ZNF441: variants seen among roughly 807,000 people sequenced by gnomAD.
ZNF441 encodes zinc finger protein 441.
In ZNF441, 25 loss-of-function variants were observed where a neutral mutation model predicts 64.5. The ratio of observed to expected loss-of-function variants is 0.39; its 90% CI spans 0.28 to 0.54. The LOEUF (loss-of-function observed/expected upper bound fraction) is 0.54. Ranked by LOEUF, ZNF441 falls within the 20% of genes least tolerant of loss-of-function variation. The probability of loss-of-function intolerance (pLI) is 0.70; values close to 1 mark genes in which losing one functional copy is unlikely to be tolerated. For synonymous variants in ZNF441, 262 were observed against 268.0 expected (o/e 0.98, Z 0.22); for missense variants, 715 against 843.3 (o/e 0.85, Z 1.88).
At chr19:11,768,360 G>A (rs1017643169) in intron 1 of ZNF441, among the ~76,000 whole-genome samples, 1 of 152,166 alleles carries the variant, frequency 6.6e-6, no homozygotes, top group Admixed American at 6.5e-5. Context: ...ATGAGAGGAA[G>A]CAGAGAAAAA....
At chr19:11,779,814 G>A (rs1384972953) in intron 3 of ZNF441, among the ~76,000 whole-genome samples, 1 of 151,640 alleles carries the variant, frequency 6.6e-6, no homozygotes, top group Non-Finnish European at 1.5e-5. Flanking sequence ...GAGAGGCTGG[G>A]GTGGGAGGAT....
At position 11,780,485 on chromosome 19, in the gene ZNF441, G is replaced by A. The variant is rs765662522; in HGVS notation, c.661G>A (p.Glu221Lys). The change falls in exon 4 of 4, where the codon GAG becomes AAG. Residue 221 changes from glutamate to lysine, a missense_variant. This residue lies in a region of ZNF441 where 399 missense variants were observed against 413.9 expected (regional missense o/e 0.96). Transcript: ENST00000357901. ...FHMLRRTHTE[E>K]KPYEYEQCST... ...TATGCTTAGAAGAACTCACACTGAA[G>A]AGAAACCATATGAATATGAGCAGTG... The A allele has an allele frequency of 2.5e-6, 4 of 1,614,152 alleles. No homozygotes were observed. The highest frequency in any genetic ancestry group is 1.7e-6 in the Non-Finnish European group (2 of 1,180,034).
Position 11,781,396 on chromosome 19 carries a change from T to G in ZNF441, c.1572T>G (p.Ile524Met). ...SPSSFRRHERIHTGERPYKCK... is the reference protein window; with the variant it reads ...SPSSFRRHERMHTGERPYKCK... The stretch of plus-strand genomic sequence containing the variant: ...GTTCATTTCGAAGACATGAAAGAAT[T>G]CACACTGGGGAGAGACCCTATAAGT... Residue 524 changes from isoleucine (I) to methionine (M), a missense_variant, in exon 4 of 4, where the codon ATT (isoleucine) becomes ATG (methionine). Ile to Met is a conservative substitution (Grantham distance 10). Transcript: ENST00000357901. 1 of 1,613,994 alleles carries G rather than the reference T, an allele frequency of 6.2e-7. No individual in the cohort carries two copies. Among genetic ancestry groups the G allele is most frequent in the African/African-American group, 1.3e-5 (1 of 74,976 alleles).
At chr19:11,768,295 A>G (rs1234807371) in intron 1 of ZNF441, among the ~76,000 whole-genome samples, 1 of 152,208 alleles carries the variant, frequency 6.6e-6, no homozygotes, top group African/African-American at 2.4e-5. Context: ...CATTTTGTTT[A>G]TACATAGCAA....
chr19:11,783,174 C>A lies in ZNF441; in HGVS notation c.*1268C>A, dbSNP rs1812499159. ...TCTCAAAAGAAGACATGCAAATGGC[C>A]AAAAAGTATATGGAAATATGTTCAA... On this transcript the variant is annotated 3_prime_UTR_variant, in exon 4 of 4. Coordinates refer to ENST00000357901, the MANE Select transcript of ZNF441 (RefSeq NM_152355.3). The A allele has an allele frequency of 6.6e-6, 1 of 151,868 alleles. No individual in the cohort carries two copies. Among genetic ancestry groups the A allele is most frequent in the Admixed American group, 6.6e-5 (1 of 15,246 alleles). 9.4% of individuals were successfully genotyped at this position (151,868 alleles called of 1,614,324 possible).
In ZNF441 at chr19:11,781,471, T is replaced by C. The variant is rs1445556680; in HGVS notation, c.1647T>C (p.His549=). 1.1e-5 allele frequency: 17 copies of C among 1,614,090 alleles called. No homozygotes were observed. Among genetic ancestry groups the C allele is most frequent in the Non-Finnish European group, 1.4e-5 (17 of 1,180,010 alleles). The change falls in exon 4 of 4, where the codon CAT becomes CAC. Residue 549 remains histidine, a synonymous_variant. Transcript: ENST00000357901. ...GFRSSSYIQL[H]ERTHTGEKPY... is the part of the protein sequence containing the mutation. ...GGTCTTCCAGTTACATTCAACTACA[T>C]GAAAGGACTCACACTGGAGAGAAAC...
chr19:11,781,783 T>A lies in ZNF441; in HGVS notation c.1959T>A (p.His653Gln). The stretch of plus-strand genomic sequence containing the variant: ...GTAAGGAATGTGGGAAACCATTCCA[T>A]TGTCCCAGTGCCTTTCATAAACATG... ...YKCKECGKPF[H>Q]CPSAFHKHER... Residue 653 changes from histidine to glutamine, a missense_variant, in exon 4 of 4, where the codon CAT (histidine) becomes CAA (glutamine). Around this residue, in one of 2 missense-constraint regions of ZNF441, gnomAD observed 316 missense variants for 429.3 expected, o/e 0.74. Transcript: ENST00000357901. The A allele has an allele frequency of 6.2e-7, 1 of 1,614,100 alleles. No individual in the cohort carries two copies. The highest frequency in any genetic ancestry group is 8.5e-7 in the Non-Finnish European group (1 of 1,179,974).
rs1599271400 is a variant in ZNF441, at chr19:11,780,064, A to G, written c.240A>G (p.Gln80=). The part of the protein sequence containing the change: ...ERACEIKDNS[Q]CGGPFTQTQD... ...CCTGTGAAATTAAAGATAATAGTCA[A>G]TGTGGAGGACCCTTTACCCAGACTC... is the stretch of plus-strand genomic sequence containing the variant. Residue 80 remains glutamine (Q), a synonymous_variant, in exon 4 of 4, where the codon CAA becomes CAG. Coordinates refer to ENST00000357901, the MANE Select transcript of ZNF441 (RefSeq NM_152355.3). 6.2e-7 allele frequency: 1 copy of G among 1,613,976 alleles called. No homozygotes were observed. The highest frequency in any genetic ancestry group is 8.5e-7 in the Non-Finnish European group (1 of 1,179,842).
At chr19:11,775,467 C>T (rs1461337610) in intron 1 of ZNF441, among the ~76,000 whole-genome samples, 1 of 151,718 alleles carries the variant, frequency 6.6e-6, no homozygotes, top group Non-Finnish European at 1.5e-5. Context: ...GTACCTGGGA[C>T]TACAGGTGCC....
rs547559239 is a variant in ZNF441, at chr19:11,780,164, G to C, written c.340G>C (p.Gly114Arg). 1.7e-5 allele frequency: 27 copies of C among 1,614,112 alleles called. No homozygotes were observed. In the African/African-American group the frequency reaches 2.4e-4, roughly 14 times the overall value. ...ESSECTDVLM[G>R]RSSLNCYVRV... ...CAGTGAGTGTACAGACGTCCTCATG[G>C]GTCGTTCATCTCTTAATTGCTACGT... The change falls in exon 4 of 4, where the codon GGT (glycine) becomes CGT (arginine). Residue 114 changes from glycine (G) to arginine (R), a missense_variant. This residue lies in a region of ZNF441 where 399 missense variants were observed against 413.9 expected (regional missense o/e 0.96). Coordinates refer to ENST00000357901, the MANE Select transcript of ZNF441 (RefSeq NM_152355.3).
At position 11,775,161 on chromosome 19, in the gene ZNF441, G is replaced by C. The variant is rs111873911; in HGVS notation, c.4-2450G>C. Among the ~76,000 whole-genome samples, 887 of 152,342 alleles carry C rather than the reference G, an allele frequency of 5.8e-3. 10 individuals carry two copies. Among genetic ancestry groups the C allele is most frequent in the African/African-American group, 0.02 (830 of 41,574 alleles). ...GTAGTATTTGGTGAACACTTAGCCA[G>C]ACTGCTTAAAACTCTGCTTTAGCCT... On this transcript the variant is annotated intron_variant, in intron 1 of 3. Coordinates refer to ENST00000357901, the MANE Select transcript of ZNF441 (RefSeq NM_152355.3).
rs1975387582 is a variant in ZNF441 at position 11,780,157 on chromosome 19, C to T, written c.333C>T (p.Val111=). ...GGGAAAGCAGTGAGTGTACAGACGT[C>T]CTCATGGGTCGTTCATCTCTTAATT... The part of the protein sequence containing the change: ...DPWESSECTD[V]LMGRSSLNCY... Residue 111 remains valine, a synonymous_variant, in exon 4 of 4, where the codon GTC becomes GTT. Coordinates refer to ENST00000357901, the MANE Select transcript of ZNF441 (RefSeq NM_152355.3). The T allele has an allele frequency of 6.2e-7, 1 of 1,614,164 alleles. No individual in the cohort carries two copies. Among genetic ancestry groups the T allele is most frequent in the African/African-American group, 1.3e-5 (1 of 75,034 alleles).
chr19:11,769,829 C>A lies in ZNF441; in HGVS notation c.3+2633C>A, dbSNP rs142955921. On this transcript the variant is annotated intron_variant, in intron 1 of 3. Transcript: ENST00000357901. ...TAGCTGGGACTACAGGCACATGCCA[C>A]CACCCCAGCTAATTTTTTGTATTTT... Among the ~76,000 whole-genome samples the A allele has an allele frequency of 2.1e-3, 323 of 152,174 alleles. 1 individual carries two copies. Among genetic ancestry groups the A allele is most frequent in the African/African-American group, 7.3e-3 (302 of 41,516 alleles).
chr19:11,772,125 G>A (rs547785399), intron 1 of ZNF441, among the ~76,000 whole-genome samples: 1 of 152,316 alleles, frequency 6.6e-6, no homozygotes, highest in South Asian at 2.1e-4. Flanking sequence ...GCCAGGCAGG[G>A]AAGGGCCCCC....
chr19:11,776,390 T>C (rs1383484054), intron 1 of ZNF441, among the ~76,000 whole-genome samples: 1 of 152,226 alleles, frequency 6.6e-6, no homozygotes, highest in Non-Finnish European at 1.5e-5. Flanking sequence ...ATATTCACCA[T>C]ACTTTATCTG....
In ZNF441 at chr19:11,780,275, A is replaced by C; in HGVS notation, c.451A>C (p.Ser151Arg). 1 of 1,614,232 alleles carries C rather than the reference A, an allele frequency of 6.2e-7. No individual in the cohort carries two copies. The highest frequency in any genetic ancestry group is 2.2e-5 in the East Asian group (1 of 44,892). The change falls in exon 4 of 4, where the codon AGT becomes CGT. Residue 151 changes from serine (S) to arginine (R), a missense_variant. This residue lies in a region of ZNF441 where 399 missense variants were observed against 413.9 expected (regional missense o/e 0.96). Coordinates refer to ENST00000357901, the MANE Select transcript of ZNF441 (RefSeq NM_152355.3). ...ACATACACAATGTGGGACAGCTTTC[A>C]GTTATCAGCCCTGCTTTCAAATACA... ...YTHTQCGTAFSYQPCFQIHER... is the reference protein window; with the variant it reads ...YTHTQCGTAFRYQPCFQIHER...
rs780376513 is a variant in ZNF441 at position 11,777,691 on chromosome 19, C to G, written c.84C>G (p.Leu28=). ...WALLGPSQKS[L]YRDVMQETIR... ...TGCTGGGTCCATCACAGAAGAGTCT[C>G]TACAGAGATGTGATGCAGGAAACCA... The change falls in exon 2 of 4, where the codon CTC becomes CTG. Residue 28 remains leucine, a synonymous_variant. Coordinates refer to ENST00000357901, the MANE Select transcript of ZNF441 (RefSeq NM_152355.3). The G allele has an allele frequency of 6.2e-7, 1 of 1,613,676 alleles. No individual in the cohort carries two copies. Among genetic ancestry groups the G allele is most frequent in the Non-Finnish European group, 8.5e-7 (1 of 1,179,794 alleles).
rs1321060511 is a variant in ZNF441 at position 11,780,026 on chromosome 19, A to G, written c.202A>G (p.Met68Val). 1 of 1,606,280 alleles carries G rather than the reference A, an allele frequency of 6.2e-7. No individual in the cohort carries two copies. The highest frequency in any genetic ancestry group is 8.5e-7 in the Non-Finnish European group (1 of 1,174,502). Residue 68 changes from methionine to valine, a missense_variant, in exon 4 of 4, where the codon ATG (methionine) becomes GTG (valine). Physicochemically the swap from Met to Val is conservative, Grantham distance 21. Around this residue, in one of 2 missense-constraint regions of ZNF441, gnomAD observed 399 missense variants for 413.9 expected, o/e 0.96. Transcript: ENST00000357901. ...KDLRRNLRCH[M>V]VERACEIKDN... ...ACTTCTTATTTTTTACAGATGTCAT[A>G]TGGTAGAGAGAGCCTGTGAAATTAA... is the stretch of plus-strand genomic sequence containing the variant.
chr19:11,767,595 G>A lies in ZNF441; in HGVS notation c.3+399G>A, dbSNP rs1457367362. Among the ~76,000 whole-genome samples the A allele has an allele frequency of 6.6e-6, 1 of 152,086 alleles. No individual in the cohort carries two copies. The highest frequency in any genetic ancestry group is 2.4e-5 in the African/African-American group (1 of 41,390). ...CCTTCCTGAGAGGTTTGGGGATGGGGTGTTTAGGGGTGTGGACAGGGGCGG... is the reference window on the plus strand; with the variant it reads ...CCTTCCTGAGAGGTTTGGGGATGGGATGTTTAGGGGTGTGGACAGGGGCGG... On this transcript the variant is annotated intron_variant, in intron 1 of 3. Coordinates refer to ENST00000357901, the MANE Select transcript of ZNF441 (RefSeq NM_152355.3). The surrounding 1 kb of genome is among the most constrained non-coding windows in gnomAD (Gnocchi z 5.1).
Sources: allele counts gnomAD v4.1 joint callset (sites outside exome capture counted in the v4.1 genomes callset), GRCh38; gene constraint gnomAD v4.1.1; regional missense constraint gnomAD v4.1.1; non-coding constraint Gnocchi (gnomAD v3.1); transcripts MANE v1.5; gene names NCBI Gene and HGNC (gene_info 2026-07-23, HGNC 2026-07-21).